The following RREB1 variants were observed in gnomAD, a reference collection of about 807,000 sequenced individuals.
RREB1 encodes ras responsive element binding protein 1.
RREB1 carries 27 observed loss-of-function variants against 117.8 expected under a neutral mutation model. The observed-to-expected ratio is 0.23, with a 90% CI of 0.17 to 0.32. RREB1 has a LOEUF of 0.32. Ranked by LOEUF, RREB1 falls within the 10% of genes least tolerant of loss-of-function variation. RREB1 has a pLI of 1.00. For synonymous variants in RREB1, 1,298 were observed against 1,026.7 expected (o/e 1.26, Z -5.05); for missense variants, 2,577 against 2,378.2 (o/e 1.08, Z -1.74).
intron 10 of RREB1, among the ~76,000 whole-genome samples, chr6:7,234,667 C>T (rs572669141): frequency 3.9e-5 from 6 of 152,326 alleles, no homozygotes; most frequent in African/African-American, 1.4e-4. Flanking sequence ...TCTGCTTTGG[C>T]GCAGTCCCTG....
At chr6:7,206,127 G>C (rs752049698) in intron 6 of RREB1, among the ~76,000 whole-genome samples, 2 of 152,218 alleles carry the variant, frequency 1.3e-5, no homozygotes, top group Non-Finnish European at 2.9e-5. Flanking sequence ...GAAAATTACA[G>C]AATTTTATGG....
intron 1 of RREB1, among the ~76,000 whole-genome samples, chr6:7,153,234 A>G (rs905319623): frequency 2.3e-4 from 34 of 150,532 alleles, no homozygotes; most frequent in African/African-American, 7.8e-4. Flanking sequence ...TAGTAGAACT[A>G]TTATTTTTTT....
intron 1 of RREB1, among the ~76,000 whole-genome samples, chr6:7,113,050 G>A (rs1161645909): frequency 1.1e-4 from 16 of 152,332 alleles, no homozygotes; most frequent in African/African-American, 3.1e-4. Flanking sequence ...TGCTTCAGAC[G>A]AAAGCATGGG....
At chr6:7,143,806 A>C (rs1190754768) in intron 1 of RREB1, among the ~76,000 whole-genome samples, 1 of 147,054 alleles carries the variant, frequency 6.8e-6, no homozygotes, top group Non-Finnish European at 1.5e-5. Context: ...TCTGCAGCCC[A>C]CTCTGCCGGC....
chr6:7,171,267 A>G (rs774192975), intron 1 of RREB1, among the ~76,000 whole-genome samples: 6 of 152,196 alleles, frequency 3.9e-5, no homozygotes, highest in Non-Finnish European at 7.3e-5. Flanking sequence ...GTGGAAGTCC[A>G]GTTCTGCCTC....
At chr6:7,152,433 C>G (rs1241831823) in intron 1 of RREB1, among the ~76,000 whole-genome samples, 1 of 152,170 alleles carries the variant, frequency 6.6e-6, no homozygotes, top group African/African-American at 2.4e-5. Context: ...AAATAATCCA[C>G]TCACCAAAAA....
chr6:7,194,045 T>C (rs1294938771), intron 6 of RREB1, among the ~76,000 whole-genome samples: 2 of 152,226 alleles, frequency 1.3e-5, no homozygotes, highest in Non-Finnish European at 1.5e-5. Context: ...ATTTCTGTCA[T>C]CCCAGTAGCA....
Position 7,221,460 on chromosome 6 carries a change from C to G in RREB1, c.708-5007C>G, listed in dbSNP as rs569882928. 9.2e-5 allele frequency among the ~76,000 whole-genome samples: 14 copies of G among 152,326 alleles called. No homozygotes were observed. The East Asian group carries it at 2.3e-3, about 25-fold the overall frequency. ...GTGCTGGGATTACAGGCGTGAGCCA[C>G]CGCGCCCGGCCGCAAGTGTTTTTCT... On this transcript the variant is annotated intron_variant, in intron 8 of 12. Transcript: ENST00000379938.
chr6:7,207,536 A>G (rs1350634122), intron 6 of RREB1, among the ~76,000 whole-genome samples: 2 of 152,228 alleles, frequency 1.3e-5, no homozygotes, highest in Non-Finnish European at 2.9e-5. Context: ...AACTGAGGGT[A>G]TAAACACACC....
chr6:7,114,438 C>T (rs1387497917), intron 1 of RREB1, among the ~76,000 whole-genome samples: 1 of 147,980 alleles, frequency 6.8e-6, no homozygotes, highest in Non-Finnish European at 1.5e-5. Flanking sequence ...ACTTTTGGCA[C>T]TGTCTGGAGA....
At chr6:7,127,652 G>T (rs1761995163) in intron 1 of RREB1, among the ~76,000 whole-genome samples, 1 of 152,202 alleles carries the variant, frequency 6.6e-6, no homozygotes, top group Non-Finnish European at 1.5e-5. Flanking sequence ...TGTCAGTTGG[G>T]AGTGACTGCA....
At chr6:7,109,990 T>C (rs545828578) in intron 1 of RREB1, among the ~76,000 whole-genome samples, 1 of 152,354 alleles carries the variant, frequency 6.6e-6, no homozygotes, top group South Asian at 2.1e-4. Context: ...TAAAAGCCAG[T>C]GGAAATAAAG....
intron 1 of RREB1, among the ~76,000 whole-genome samples, chr6:7,108,452 T>C (rs1328792905): frequency 6.6e-6 from 1 of 151,726 alleles, no homozygotes; most frequent in African/African-American, 2.4e-5. Context: ...ATATTAGCCG[T>C]CCGAGCGCAG....
chr6:7,118,046 C>T (rs1295289186), intron 1 of RREB1, among the ~76,000 whole-genome samples: 1 of 152,224 alleles, frequency 6.6e-6, no homozygotes. Context: ...TTGGCAGATA[C>T]ATTCAGATAT....
chr6:7,120,006 G>T (rs747393224), intron 1 of RREB1, among the ~76,000 whole-genome samples: 4 of 152,100 alleles, frequency 2.6e-5, no homozygotes, highest in African/African-American at 9.7e-5. Flanking sequence ...GGATGATGAT[G>T]CCTCTGACAG....
At chr6:7,109,161 G>T (rs1450791600) in intron 1 of RREB1, among the ~76,000 whole-genome samples, 1 of 151,852 alleles carries the variant, frequency 6.6e-6, no homozygotes, top group Non-Finnish European at 1.5e-5. Flanking sequence ...CCGCCCGCTG[G>T]ACCAGTTTTT....
intron 6 of RREB1, among the ~76,000 whole-genome samples, chr6:7,193,616 GT>G (rs759602792): frequency 6.6e-6 from 1 of 151,996 alleles, no homozygotes; most frequent in Non-Finnish European, 1.5e-5. Flanking sequence ...GTTTTGTTTT[GT>G]TTTTTTGGAA....
chr6:7,226,673 A>G lies in RREB1; in HGVS notation c.897+17A>G, dbSNP rs1767604944. On this transcript the variant is annotated intron_variant, in intron 9 of 12. Coordinates refer to ENST00000379938, the MANE Select transcript of RREB1 (RefSeq NM_001003699.4). ...ATTTCTCAGGTATTCTGATCAGCCC[A>G]TGGAAGCAACCAGCAACTGCCTTCC... is the stretch of plus-strand genomic sequence containing the variant. 5 of 1,604,612 alleles carry G rather than the reference A, an allele frequency of 3.1e-6. No homozygotes were observed. The highest frequency in any genetic ancestry group is 4.3e-6 in the Non-Finnish European group (5 of 1,173,294).
chr6:7,207,575 G>C (rs1766348272), intron 6 of RREB1, among the ~76,000 whole-genome samples: 1 of 152,178 alleles, frequency 6.6e-6, no homozygotes, highest in African/African-American at 2.4e-5. Context: ...CTCCCTTTAT[G>C]TACCTTCTGG....
Sources: gnomAD v4.1 joint callset for allele counts (sites outside exome capture counted in the v4.1 genomes callset) on GRCh38, gnomAD v4.1.1 for gene constraint, MANE v1.5 for transcripts, NCBI Gene and HGNC (gene_info 2026-07-23, HGNC 2026-07-21) for gene names.